The following DPP6 variants were observed in gnomAD, a reference collection of about 807,000 sequenced individuals.
DPP6 encodes the protein dipeptidyl peptidase like 6.
DPP6 carries 69 observed loss-of-function variants against 122.6 expected under a neutral mutation model. That is an observed-to-expected ratio of 0.56 (90% CI 0.46 to 0.69). The LOEUF (loss-of-function observed/expected upper bound fraction) is 0.69. Ranked by LOEUF, DPP6 falls within the 30% of genes least tolerant of loss-of-function variation. The probability of loss-of-function intolerance (pLI) is 0.00; values close to 1 mark genes in which losing one functional copy is unlikely to be tolerated. For missense variants in DPP6, 928 were observed against 1,116.9 expected (o/e 0.83, Z 2.41); for synonymous variants, 418 against 433.1 (o/e 0.97, Z 0.43).
chr7:154,852,192 G>A (rs964935630), intron 16 of DPP6, among the ~76,000 whole-genome samples: 6 of 152,282 alleles, frequency 3.9e-5, no homozygotes, highest in East Asian at 1.9e-4. Context: ...GTTGTCAGAC[G>A]GCCCCTCAGA....
At chr7:154,599,712 A>T (rs1168910405) in intron 5 of DPP6, among the ~76,000 whole-genome samples, 3 of 142,806 alleles carry the variant, frequency 2.1e-5, no homozygotes, top group Admixed American at 7.2e-5. Flanking sequence ...GATGTTCCCC[A>T]CCCTGTGTCC....
At chr7:154,754,601 G>A (rs1843566615) in intron 8 of DPP6, among the ~76,000 whole-genome samples, 1 of 152,208 alleles carries the variant, frequency 6.6e-6, no homozygotes, top group African/African-American at 2.4e-5. Context: ...CTGTATAGAT[G>A]AGTAATAACA....
chr7:154,324,553 C>T (rs936788744), intron 1 of DPP6, among the ~76,000 whole-genome samples: 3 of 152,210 alleles, frequency 2.0e-5, no homozygotes, highest in African/African-American at 7.2e-5. Flanking sequence ...CCGGGTCTCC[C>T]TCTGCCCTAC....
chr7:154,058,962 C>T (rs183977503), intron 1 of DPP6: 234 of 151,662 alleles, frequency 1.5e-3, no homozygotes, highest in African/African-American at 5.5e-3. Flanking sequence ...GGAGGCACCC[C>T]CCCGCGAGGC....
chr7:154,066,043 G>GT (rs1272775473), intron 1 of DPP6, among the ~76,000 whole-genome samples: 3,547 of 119,396 alleles, frequency 0.03, 41 homozygotes, highest in Non-Finnish European at 0.038. Flanking sequence ...GTTCAGATTT[G>GT]TTTTTTTTTT....
At chr7:154,381,864 G>T (rs1336865613) in intron 1 of DPP6, among the ~76,000 whole-genome samples, 1 of 152,084 alleles carries the variant, frequency 6.6e-6, no homozygotes, top group African/African-American at 2.4e-5. Flanking sequence ...TCCTGGGCCG[G>T]GCCCTTCAAA....
intron 1 of DPP6, among the ~76,000 whole-genome samples, chr7:154,430,547 G>C (rs1344084235): frequency 6.6e-6 from 1 of 152,118 alleles, no homozygotes; most frequent in Non-Finnish European, 1.5e-5. Flanking sequence ...ATTACCTCCT[G>C]AAGGCCCCCC....
chr7:154,801,571 T>G, intron 13 of DPP6, 109 bp downstream of exon 13: 2 of 1,418,444 alleles, frequency 1.4e-6, no homozygotes, highest in Non-Finnish European at 1.9e-6. Flanking sequence ...CCCCAAGGAA[T>G]CTGAAGGTGG....
At chr7:154,414,386 G>A (rs286854) in intron 1 of DPP6, among the ~76,000 whole-genome samples, 33,738 of 152,074 alleles carry the variant, frequency 0.22, 4,040 homozygotes, top group African/African-American at 0.31. Flanking sequence ...CAATCGTACA[G>A]TCTTCCTTTA....
rs138807655 is a variant in DPP6, at chr7:154,751,471, G to A, written c.884-17946G>A. Among the ~76,000 whole-genome samples the A allele has an allele frequency of 9.9e-3, 1,494 of 151,452 alleles. 25 individuals carry two copies. Among genetic ancestry groups the A allele is most frequent in the African/African-American group, 0.034 (1,392 of 41,318 alleles). Reference sequence around the variant, plus strand: ...AAAAAAAAAAAAAAATTAGTCGGGCGTGGTGGTGGGTGTCTGTTGTCCCCA... The same window carrying A: ...AAAAAAAAAAAAAAATTAGTCGGGCATGGTGGTGGGTGTCTGTTGTCCCCA... On this transcript the variant is annotated intron_variant, in intron 8 of 25. Coordinates refer to ENST00000377770, the MANE Select transcript of DPP6 (RefSeq NM_130797.4).
chr7:154,567,184 A>T (rs956510698), intron 5 of DPP6, among the ~76,000 whole-genome samples: 45 of 152,280 alleles, frequency 3.0e-4, no homozygotes, highest in Non-Finnish European at 6.0e-4. Flanking sequence ...CTCTTCATAG[A>T]CACAAATCTT....
chr7:154,556,976 T>G (rs1830089889), intron 4 of DPP6, among the ~76,000 whole-genome samples: 1 of 152,154 alleles, frequency 6.6e-6, no homozygotes, highest in African/African-American at 2.4e-5. Context: ...GACCTGCAGC[T>G]CAAAATTTGT....
intron 1 of DPP6, among the ~76,000 whole-genome samples, chr7:154,206,592 C>T (rs1048183849): frequency 1.3e-5 from 2 of 152,166 alleles, no homozygotes; most frequent in African/African-American, 4.8e-5. Flanking sequence ...TACCTGGGCC[C>T]TCACCAATCC....
At chr7:154,659,447 A>G (rs975824733) in intron 6 of DPP6, among the ~76,000 whole-genome samples, 2 of 152,254 alleles carry the variant, frequency 1.3e-5, no homozygotes, top group African/African-American at 4.8e-5. Context: ...ATTATATTGC[A>G]TGGTCAAATT....
chr7:153,981,586 T>C (rs1585126882), intron 1 of DPP6, among the ~76,000 whole-genome samples: 1 of 152,230 alleles, frequency 6.6e-6, no homozygotes, highest in Non-Finnish European at 1.5e-5. Flanking sequence ...CCTGTTGTTA[T>C]GATGGTAGCT....
rs142049299 is a variant in DPP6, at chr7:154,067,907, GTTT to G, written c.243+14852_243+14854del. Among the ~76,000 whole-genome samples, 44 of 142,520 alleles carry G rather than the reference GTTT, an allele frequency of 3.1e-4. 2 individuals carry two copies. Among genetic ancestry groups the G allele is most frequent in the African/African-American group, 1.3e-3 (44 of 34,574 alleles). The allele number at this position is 142,520 out of a possible 152,430, so 93.5% of individuals were successfully genotyped here. A position where few individuals can be genotyped will look rare whatever the true frequency, so the allele number is the denominator to read the frequency against. Reference sequence around the variant, plus strand: ...CCACACCCACTCAAGGTTTTTTTTTGTTTTTTTTTTGTTTGTTTGTTTGTTTGT... The same window carrying G: ...CCACACCCACTCAAGGTTTTTTTTTGTTTTTTTGTTTGTTTGTTTGTTTGT... On this transcript the variant is annotated intron_variant, in intron 1 of 25. Coordinates refer to ENST00000377770, the MANE Select transcript of DPP6 (RefSeq NM_130797.4).
intron 20 of DPP6, among the ~76,000 whole-genome samples, chr7:154,880,207 C>T (rs1805274734): frequency 3.3e-5 from 5 of 152,164 alleles, no homozygotes; most frequent in South Asian, 2.1e-4. Context: ...CCAGCCACTT[C>T]GTGGGGGAAG....
intron 1 of DPP6, among the ~76,000 whole-genome samples, chr7:154,294,578 T>C (rs1386662924): frequency 6.6e-6 from 1 of 152,132 alleles, no homozygotes; most frequent in Non-Finnish European, 1.5e-5. Context: ...CGTGAAGGTT[T>C]GGGGGATATT....
At chr7:154,418,288 G>T (rs969720771) in intron 1 of DPP6, among the ~76,000 whole-genome samples, 4 of 152,150 alleles carry the variant, frequency 2.6e-5, no homozygotes, top group African/African-American at 7.2e-5. Flanking sequence ...GCATCCTTTT[G>T]TTCTGTTAGT....
Sources: allele counts gnomAD v4.1 joint callset (sites outside exome capture counted in the v4.1 genomes callset), GRCh38; gene constraint gnomAD v4.1.1; transcripts MANE v1.5; gene names NCBI Gene and HGNC (gene_info 2026-07-23, HGNC 2026-07-21).